The following SIMC1 variants were observed in gnomAD, a reference collection of about 807,000 sequenced individuals.
SIMC1 encodes SUMO interacting motifs containing 1.
A neutral mutation model predicts 82.3 loss-of-function variants in SIMC1; 55 were observed. The observed-to-expected ratio is 0.67, with a 90% CI of 0.54 to 0.84. The LOEUF (loss-of-function observed/expected upper bound fraction) is 0.84. SIMC1 is among the 40% of genes least tolerant of loss of function. The pLI is 0.00. For synonymous variants in SIMC1, 353 were observed against 426.3 expected (o/e 0.83, Z 2.12); for missense variants, 915 against 1,107.2 (o/e 0.83, Z 2.46).
intron 9 of SIMC1, among the ~76,000 whole-genome samples, chr5:176,340,537 A>C (rs1766091048): frequency 6.6e-6 from 1 of 152,236 alleles, no homozygotes; most frequent in Admixed American, 6.5e-5. Flanking sequence ...TCTCCCTGCA[A>C]GGAGCCCTGT....
chr5:176,319,613 G>A (rs548662876), intron 5 of SIMC1, among the ~76,000 whole-genome samples: 1 of 152,070 alleles, frequency 6.6e-6, no homozygotes, highest in Admixed American at 6.6e-5. Context: ...ATGACTTGAG[G>A]CCAGGAGTTC....
chr5:176,261,078 C>T (rs904498677), intron 1 of SIMC1: 2 of 152,104 alleles, frequency 1.3e-5, no homozygotes, highest in Non-Finnish European at 2.9e-5. Flanking sequence ...ACAACCTCAG[C>T]TCACTGCAAC....
chr5:176,337,184 T>A, intron 9 of SIMC1, 38 bp downstream of exon 9: 1 of 1,526,166 alleles, frequency 6.6e-7, no homozygotes, highest in Non-Finnish European at 9.1e-7. Flanking sequence ...TAGTGGAAGG[T>A]CTCAATGGAC....
rs1166473643 is a variant in SIMC1 at position 176,290,358 on chromosome 5, A to G, written c.834A>G (p.Pro278=). The G allele has an allele frequency of 8.1e-6, 13 of 1,613,914 alleles. No individual in the cohort carries two copies. Among genetic ancestry groups the G allele is most frequent in the Admixed American group, 5.0e-5 (3 of 60,000 alleles). ...GCCCTCGGCAGAATATCCCAGGCCCACCTCAAGACTCTCTGGGCCTACCTC... is the reference window on the plus strand; with the variant it reads ...GCCCTCGGCAGAATATCCCAGGCCCGCCTCAAGACTCTCTGGGCCTACCTC... ...VPCPRQNIPG[P]PQDSLGLPQD... is the part of the protein sequence containing the mutation. Residue 278 remains proline, a synonymous_variant, in exon 2 of 10, where the codon CCA becomes CCG. Coordinates refer to ENST00000429602, the MANE Select transcript of SIMC1 (RefSeq NM_001308195.2).
chr5:176,253,947 A>ACACCTTTTGT (rs1290694497), intron 1 of SIMC1, among the ~76,000 whole-genome samples: 3 of 152,184 alleles, frequency 2.0e-5, no homozygotes, highest in African/African-American at 4.8e-5. Flanking sequence ...GAACTAGGTG[A>ACACCTTTTGT]CACCTTTTGT....
intron 1 of SIMC1, among the ~76,000 whole-genome samples, chr5:176,286,165 G>A (rs1173852514): frequency 1.3e-5 from 2 of 152,302 alleles, no homozygotes; most frequent in Non-Finnish European, 2.9e-5. Context: ...GCAGAAAAGA[G>A]CCTGCATTGC....
Position 176,337,209 on chromosome 5 carries a change from T to C in SIMC1, c.2413+63T>C, listed in dbSNP as rs542164669. The C allele has an allele frequency of 5.9e-5, 76 of 1,291,448 alleles. No homozygotes were observed. In the Admixed American group the frequency reaches 1.3e-3, roughly 22 times the overall value. 80.0% of individuals were successfully genotyped at this position (1,291,448 alleles called of 1,614,324 possible). A position where few individuals can be genotyped will look rare whatever the true frequency, so the allele number is the denominator to read the frequency against. On this transcript the variant is annotated intron_variant, in intron 9 of 9. Coordinates refer to ENST00000429602, the MANE Select transcript of SIMC1 (RefSeq NM_001308195.2). Reference sequence around the variant, plus strand: ...TCTCAATGGACATTTGTATTAGTCATAACTACACAGGATATTCTGATTTGT... The same window carrying C: ...TCTCAATGGACATTTGTATTAGTCACAACTACACAGGATATTCTGATTTGT...
intron 1 of SIMC1, among the ~76,000 whole-genome samples, chr5:176,268,664 A>C (rs1375851472): frequency 6.6e-5 from 10 of 152,230 alleles, no homozygotes; most frequent in Admixed American, 6.5e-4. Context: ...TAATAAATAC[A>C]GTTTCAAAAT....
In SIMC1 at chr5:176,313,697, ACT is replaced by A. The variant is rs776308364; in HGVS notation, c.1744_1745del (p.Leu582AlafsTer17). On this transcript the variant is annotated frameshift_variant, in exon 5 of 10. Coordinates refer to ENST00000429602, the MANE Select transcript of SIMC1 (RefSeq NM_001308195.2). LOFTEE classifies it high-confidence loss of function. ...LTYVMEEEGQ[T>X]LPGRVLFLRY... ...CTCATTCTTTTTCCCACAGGGACAA[ACT>A]CTGCCTGGGCGAGTCCTTTTCCTGC... 1.2e-6 allele frequency: 2 copies of A among 1,613,580 alleles called. No homozygotes were observed. Among genetic ancestry groups the A allele is most frequent in the Admixed American group, 3.3e-5 (2 of 59,976 alleles).
At chr5:176,333,618 C>T (rs920255113) in intron 7 of SIMC1, among the ~76,000 whole-genome samples, 2 of 152,056 alleles carry the variant, frequency 1.3e-5, no homozygotes, top group East Asian at 1.9e-4. Context: ...TTAGTAGAGA[C>T]GGGGTTTCAC....
chr5:176,323,255 C>T (rs1217110446), intron 6 of SIMC1, among the ~76,000 whole-genome samples: 2 of 152,124 alleles, frequency 1.3e-5, no homozygotes, highest in African/African-American at 2.4e-5. Flanking sequence ...TTGAGGAAGG[C>T]CCTAAAGTAG....
intron 9 of SIMC1, among the ~76,000 whole-genome samples, chr5:176,339,582 A>G (rs1766043175): frequency 1.3e-5 from 2 of 152,170 alleles, no homozygotes; most frequent in Admixed American, 6.5e-5. Context: ...CACCTTTAAC[A>G]TTTCTTGTTC....
chr5:176,283,913 A>C (rs185405602), intron 1 of SIMC1, among the ~76,000 whole-genome samples: 9 of 152,302 alleles, frequency 5.9e-5, no homozygotes, highest in East Asian at 1.9e-4. Context: ...CAACAAAGAT[A>C]AAAATAGACA....
At chr5:176,268,780 TAAAGA>T (rs1303683331) in intron 1 of SIMC1, among the ~76,000 whole-genome samples, 4 of 152,144 alleles carry the variant, frequency 2.6e-5, no homozygotes, top group Non-Finnish European at 4.4e-5. Flanking sequence ...CCCACCAAAG[TAAAGA>T]AATCAAAGAT....
intron 9 of SIMC1, among the ~76,000 whole-genome samples, chr5:176,341,311 A>G (rs1227452344): frequency 1.3e-5 from 2 of 152,234 alleles, no homozygotes; most frequent in African/African-American, 4.8e-5. Flanking sequence ...GGATGTAGTG[A>G]GTAAGGGGAG....
At chr5:176,322,978 C>T (rs150751971) in intron 6 of SIMC1, among the ~76,000 whole-genome samples, 4 of 152,124 alleles carry the variant, frequency 2.6e-5, no homozygotes, top group South Asian at 2.1e-4. Flanking sequence ...TGAGAGATGC[C>T]GGGAGATTAG....
In SIMC1 at chr5:176,335,663, G is replaced by T. The variant is rs572255365; in HGVS notation, c.2172-1057G>T. Among the ~76,000 whole-genome samples, 4 of 152,180 alleles carry T rather than the reference G, an allele frequency of 2.6e-5. No individual in the cohort carries two copies. The South Asian group carries it at 8.3e-4, about 32-fold the overall frequency. ...TTCCATATATTGAAATTATGTCCTT[G>T]TCCTTTGTAGATCTCTGAGTTTACC... is the stretch of plus-strand genomic sequence containing the variant. On this transcript the variant is annotated intron_variant, in intron 7 of 9. Coordinates refer to ENST00000429602, the MANE Select transcript of SIMC1 (RefSeq NM_001308195.2).
At chr5:176,301,831 A>G (rs1156947359) in intron 4 of SIMC1, among the ~76,000 whole-genome samples, 1 of 151,942 alleles carries the variant, frequency 6.6e-6, no homozygotes, top group Non-Finnish European at 1.5e-5. Context: ...GCCAACCAAT[A>G]TACCTAATAA....
rs774628972 is a variant in SIMC1 at position 176,290,268 on chromosome 5, A to T, written c.744A>T (p.Ser248=). The T allele has an allele frequency of 6.2e-7, 1 of 1,612,690 alleles. No homozygotes were observed. The highest frequency in any genetic ancestry group is 1.7e-5 in the Admixed American group (1 of 59,822). The stretch of plus-strand genomic sequence containing the variant: ...CCTCATGCCCACCACGAGCCTTGTC[A>T]TGCCCATCACAAACCATGCAGTGCC... The part of the protein sequence containing the change: ...RASSCPPRAL[S]CPSQTMQCQL... Residue 248 remains serine (S), a synonymous_variant, in exon 2 of 10, where the codon TCA becomes TCT. Coordinates refer to ENST00000429602, the MANE Select transcript of SIMC1 (RefSeq NM_001308195.2).
Sources: gnomAD v4.1 joint callset for allele counts (sites outside exome capture counted in the v4.1 genomes callset) on GRCh38, gnomAD v4.1.1 for gene constraint, MANE v1.5 for transcripts, NCBI Gene and HGNC (gene_info 2026-07-23, HGNC 2026-07-21) for gene names.